Variants in GADL1 observed in about 807,000 individuals in gnomAD.
GADL1 encodes acidic amino acid decarboxylase GADL1.
Under a neutral mutation model 69.5 loss-of-function variants are expected in GADL1, and 71 were observed. That is an observed-to-expected ratio of 1.02 (90% CI 0.84 to 1.25). GADL1 has a LOEUF of 1.25. Among genes scored for constraint, GADL1 ranks in the 50% most tolerant of loss-of-function variants. GADL1 has a pLI of 0.00. For missense variants in GADL1, 737 were observed against 631.8 expected (o/e 1.17, Z -1.79); for synonymous variants, 254 against 214.4 (o/e 1.18, Z -1.62).
At chr3:30,877,335 C>T (rs1189956320) in intron 1 of GADL1, among the ~76,000 whole-genome samples, 1 of 151,852 alleles carries the variant, frequency 6.6e-6, no homozygotes, top group Non-Finnish European at 1.5e-5. Context: ...TTGTATTGAA[C>T]AATTTTGGGC....
chr3:30,875,785 G>A lies in GADL1; in HGVS notation c.38-14020C>T, dbSNP rs150365872. Among the ~76,000 whole-genome samples, 671 of 151,956 alleles carry A rather than the reference G, an allele frequency of 4.4e-3. 15 individuals are homozygous for A. The highest frequency in any genetic ancestry group is 0.04 in the Admixed American group (604 of 15,258). ...CCCAGCCTCTCTGAAGTCAAATGCC[G>A]TGATGGGTAGATACAGACATACCAG... On this transcript the variant is annotated intron_variant, in intron 1 of 14. Coordinates refer to ENST00000282538, the MANE Select transcript of GADL1 (RefSeq NM_207359.3).
intron 1 of GADL1, among the ~76,000 whole-genome samples, chr3:30,888,961 G>A (rs999592982): frequency 9.2e-5 from 14 of 151,626 alleles, no homozygotes; most frequent in African/African-American, 3.4e-4. Context: ...ATATATAAAT[G>A]TATAATATTA....
At chr3:30,738,674 G>A (rs1695573854) in intron 14 of GADL1, among the ~76,000 whole-genome samples, 1 of 152,154 alleles carries the variant, frequency 6.6e-6, no homozygotes, top group Non-Finnish European at 1.5e-5. Flanking sequence ...TCTATGGGCA[G>A]TGGTCCAATA....
chr3:30,797,142 A>C (rs9823803), intron 12 of GADL1, among the ~76,000 whole-genome samples: 72,712 of 152,028 alleles, frequency 0.48, 18,508 homozygotes, highest in East Asian at 0.76. Flanking sequence ...GCCTTCTGTC[A>C]TGGCCATCTC....
intron 14 of GADL1, among the ~76,000 whole-genome samples, chr3:30,748,940 A>T (rs1327053249): frequency 6.6e-6 from 1 of 152,210 alleles, no homozygotes; most frequent in Non-Finnish European, 1.5e-5. Flanking sequence ...ATATTATATG[A>T]CTGCCTCTAA....
intron 1 of GADL1, among the ~76,000 whole-genome samples, chr3:30,862,285 C>G (rs937949016): frequency 6.6e-6 from 1 of 151,880 alleles, no homozygotes; most frequent in African/African-American, 2.4e-5. Flanking sequence ...CAGGAGAGTT[C>G]GAGATGGAGG....
chr3:30,741,220 A>G (rs1213524847), intron 14 of GADL1, among the ~76,000 whole-genome samples: 3 of 118,000 alleles, frequency 2.5e-5, no homozygotes, highest in African/African-American at 1.1e-4. Context: ...GTGTGTGTGT[A>G]TTCCAACACT....
chr3:30,816,535 T>C (rs868373007), intron 11 of GADL1, among the ~76,000 whole-genome samples: 3 of 46,376 alleles, frequency 6.5e-5, no homozygotes, highest in African/African-American at 2.5e-4. Flanking sequence ...GTTTTCTTTT[T>C]TTTTTTTTTT....
At chr3:30,763,086 A>G (rs144568284) in intron 14 of GADL1, among the ~76,000 whole-genome samples, 1,712 of 152,284 alleles carry the variant, frequency 0.011, 33 homozygotes, top group African/African-American at 0.04. Flanking sequence ...GTTGACAATT[A>G]AAAATCTAGC....
chr3:30,811,702 GAAA>G (rs547438893), intron 11 of GADL1, among the ~76,000 whole-genome samples: 1 of 151,908 alleles, frequency 6.6e-6, no homozygotes, highest in Non-Finnish European at 1.5e-5. Flanking sequence ...TAATTTAAAG[GAAA>G]AAAATAAAAA....
In GADL1 at chr3:30,800,894, T is replaced by A. The variant is rs771004854; in HGVS notation, c.1245A>T (p.Leu415Phe). Residue 415 changes from leucine to phenylalanine, a missense_variant, in exon 12 of 15, where the codon TTA becomes TTT. By Grantham distance (22) the Leu-to-Phe change is conservative. Transcript: ENST00000282538. ...LEERVNRALA[L>F]SRYLVDEIKK... is the part of the protein sequence containing the mutation. ...AGAGAGAGAGAGGCTAGTACCTAGA[T>A]AAAGCAAGAGCACGATTAACTCTTT... The A allele has an allele frequency of 2.5e-6, 4 of 1,603,446 alleles. No individual in the cohort carries two copies. Among genetic ancestry groups the A allele is most frequent in the Non-Finnish European group, 3.4e-6 (4 of 1,177,720 alleles).
At chr3:30,731,631 G>A (rs1484664312) in intron 14 of GADL1, among the ~76,000 whole-genome samples, 1 of 152,154 alleles carries the variant, frequency 6.6e-6, no homozygotes, top group South Asian at 2.1e-4. Flanking sequence ...GCAAAACGCA[G>A]GGAATAAAAA....
intron 6 of GADL1, among the ~76,000 whole-genome samples, chr3:30,845,911 G>T (rs1698045315): frequency 6.6e-6 from 1 of 152,064 alleles, no homozygotes. Context: ...AAAGCACAAT[G>T]CTCTCCCCCT....
At chr3:30,759,659 A>G (rs911168328) in intron 14 of GADL1, among the ~76,000 whole-genome samples, 3 of 152,232 alleles carry the variant, frequency 2.0e-5, no homozygotes, top group Non-Finnish European at 4.4e-5. Context: ...AAAAGTGACC[A>G]TCTTTATTTG....
At position 30,727,644 on chromosome 3, in the gene GADL1, T is replaced by G. The variant is rs1478710357; in HGVS notation, c.*598A>C. 6.6e-6 allele frequency: 1 copy of G among 152,144 alleles called. No homozygotes were observed. Among genetic ancestry groups the G allele is most frequent in the African/African-American group, 2.4e-5 (1 of 41,434 alleles). 9.4% of individuals were successfully genotyped at this position (152,144 alleles called of 1,614,324 possible). On this transcript the variant is annotated 3_prime_UTR_variant, in exon 15 of 15. Coordinates refer to ENST00000282538, the MANE Select transcript of GADL1 (RefSeq NM_207359.3). The stretch of plus-strand genomic sequence containing the variant: ...AAGACTGGCTCAGAGGCTTCTGAAA[T>G]ATTAGATATCCCTTTGCTGGCAAAA...
Position 30,786,482 on chromosome 3 carries a change from T to G in GADL1, c.1251-76A>C, listed in dbSNP as rs917566638. ...ATGAACATGACTGATATGACAAAAC[T>G]GATTCAGACAGGGCTTGGAGATAAG... On this transcript the variant is annotated intron_variant, in intron 12 of 14. Coordinates refer to ENST00000282538, the MANE Select transcript of GADL1 (RefSeq NM_207359.3). 15 of 785,846 alleles carry G rather than the reference T, an allele frequency of 1.9e-5. No individual in the cohort carries two copies. In the African/African-American group the frequency reaches 2.6e-4, roughly 14 times the overall value. 48.7% of individuals were successfully genotyped at this position (785,846 alleles called of 1,614,324 possible). A position where few individuals can be genotyped will look rare whatever the true frequency, so the allele number is the denominator to read the frequency against.
At chr3:30,752,279 C>G (rs1404635857) in intron 14 of GADL1, among the ~76,000 whole-genome samples, 1 of 152,082 alleles carries the variant, frequency 6.6e-6, no homozygotes, top group Non-Finnish European at 1.5e-5. Context: ...CAGGCTGGCA[C>G]GAAACACAGC....
chr3:30,755,276 A>G (rs755022429), intron 14 of GADL1, among the ~76,000 whole-genome samples: 2 of 129,588 alleles, frequency 1.5e-5, no homozygotes, highest in Non-Finnish European at 3.4e-5. Flanking sequence ...TGGTGAAACC[A>G]TCAGCTTGAT....
chr3:30,772,737 A>G (rs1696443772), intron 14 of GADL1, among the ~76,000 whole-genome samples: 1 of 152,234 alleles, frequency 6.6e-6, no homozygotes, highest in East Asian at 1.9e-4. Flanking sequence ...TTATCAGGGC[A>G]TAGTGGTGAG....
Sources: allele counts gnomAD v4.1 joint callset (sites outside exome capture counted in the v4.1 genomes callset), GRCh38; gene constraint gnomAD v4.1.1; transcripts MANE v1.5; gene names NCBI Gene and HGNC (gene_info 2026-07-23, HGNC 2026-07-21).